FBLN5: variants seen among roughly 807,000 people sequenced by gnomAD.
FBLN5 encodes the protein fibulin 5.
A neutral mutation model predicts 61.6 loss-of-function variants in FBLN5; 24 were observed. The observed-to-expected ratio is 0.39, with a 90% confidence interval of 0.28 to 0.55. FBLN5 has a LOEUF of 0.55. FBLN5 is among the 20% of genes least tolerant of loss of function. The pLI, the probability that FBLN5 is intolerant of heterozygous loss-of-function variation, is 0.65. For synonymous variants in FBLN5, 213 were observed against 219.8 expected, an observed-to-expected ratio of 0.97 and a Z score of 0.27; for missense variants, 470 against 594.1, an observed-to-expected ratio of 0.79 and a Z score of 2.17.
intron 3 of FBLN5, chr14:91,939,751 A>G: frequency 3.1e-6 from 1 of 327,362 alleles, no homozygotes; most frequent in Non-Finnish European, 6.0e-6. Flanking sequence ...CAAACACTCC[A>G]AAATCTCTTC....
intron 3 of FBLN5, chr14:91,940,051 C>A (rs1401471866): frequency 2.3e-6 from 1 of 438,542 alleles, no homozygotes; most frequent in Admixed American, 2.6e-5. Flanking sequence ...AAGCAGGAGG[C>A]TTCTAAAAGG....
intron 4 of FBLN5, among the ~76,000 whole-genome samples, chr14:91,902,785 A>G (rs1378875919): frequency 6.6e-6 from 1 of 152,186 alleles, no homozygotes; most frequent in African/African-American, 2.4e-5. Context: ...AGAGTTTCAG[A>G]AACTATTAGG....
At chr14:91,930,525 G>T (rs1212203504) in intron 4 of FBLN5, among the ~76,000 whole-genome samples, 1 of 152,126 alleles carries the variant, frequency 6.6e-6, no homozygotes, top group Middle Eastern at 3.2e-3. Flanking sequence ...CGGTTTCATG[G>T]TTTCACGCAT....
intron 1 of FBLN5, among the ~76,000 whole-genome samples, chr14:91,945,722 A>T (rs1279412379): frequency 6.6e-6 from 1 of 152,162 alleles, no homozygotes; most frequent in Non-Finnish European, 1.5e-5. Flanking sequence ...CATTTCCTTT[A>T]TCGAGTCCCC....
intron 5 of FBLN5, among the ~76,000 whole-genome samples, chr14:91,892,136 G>A (rs1484873167): frequency 6.6e-6 from 1 of 152,194 alleles, no homozygotes; most frequent in African/African-American, 2.4e-5. Flanking sequence ...CCATCAATGG[G>A]GAGCCTGATG....
chr14:91,913,617 T>C (rs1286381702), intron 4 of FBLN5, among the ~76,000 whole-genome samples: 3 of 152,208 alleles, frequency 2.0e-5, no homozygotes, highest in Non-Finnish European at 4.4e-5. Flanking sequence ...GCTGGAAGGA[T>C]TGGACAATTT....
chr14:91,884,676 G>A (rs367953161), intron 7 of FBLN5, among the ~76,000 whole-genome samples: 46 of 152,344 alleles, frequency 3.0e-4, no homozygotes, highest in African/African-American at 1.1e-3. Context: ...ACACGACACT[G>A]TAACGTCTCC....
chr14:91,928,227 C>T (rs769946052), intron 4 of FBLN5, among the ~76,000 whole-genome samples: 23 of 152,146 alleles, frequency 1.5e-4, no homozygotes, highest in East Asian at 3.8e-4. Flanking sequence ...AAAGGGCTAA[C>T]GCAAAAAATT....
chr14:91,881,442 G>A, intron 8 of FBLN5, 24 bp from the exon 9 acceptor site: 1 of 1,613,978 alleles, frequency 6.2e-7, no homozygotes, highest in Non-Finnish European at 8.5e-7. Context: ...GAGACAAGAA[G>A]CGGAGGCAGG....
In FBLN5 at chr14:91,910,362, C is replaced by T. The variant is rs527765179; in HGVS notation, c.380-15290G>A. Among the ~76,000 whole-genome samples, 14 of 152,186 alleles carry T rather than the reference C, an allele frequency of 9.2e-5. No individual in the cohort carries two copies. The East Asian group carries it at 1.2e-3, about 13-fold the overall frequency. ...ACAGAAAGTAGAATGGTGGTTATCACGGGCTAGAGAGAAGGGGAAAGAGAG... is the reference window on the plus strand; with the variant it reads ...ACAGAAAGTAGAATGGTGGTTATCATGGGCTAGAGAGAAGGGGAAAGAGAG... On this transcript the variant is annotated intron_variant, in intron 4 of 10. Coordinates refer to ENST00000342058, the MANE Select transcript of FBLN5 (RefSeq NM_006329.4).
chr14:91,924,062 A>C (rs1595337652), intron 4 of FBLN5, among the ~76,000 whole-genome samples: 1 of 152,186 alleles, frequency 6.6e-6, no homozygotes, highest in East Asian at 1.9e-4. Flanking sequence ...ATGATATCTG[A>C]TAAATTATGC....
intron 3 of FBLN5, among the ~76,000 whole-genome samples, chr14:91,940,273 T>G (rs2056085225): frequency 1.3e-5 from 2 of 152,288 alleles, no homozygotes; most frequent in South Asian, 2.1e-4. Flanking sequence ...TACACTGGTG[T>G]TGTTTAAGCC....
intron 4 of FBLN5, among the ~76,000 whole-genome samples, chr14:91,908,953 C>T (rs1170690771): frequency 6.6e-6 from 1 of 151,708 alleles, no homozygotes; most frequent in Non-Finnish European, 1.5e-5. Flanking sequence ...GAGTCTCACT[C>T]GTCGCTCAGG....
At chr14:91,941,554 G>A (rs1052200595) in intron 2 of FBLN5, among the ~76,000 whole-genome samples, 9 of 152,068 alleles carry the variant, frequency 5.9e-5, no homozygotes, top group African/African-American at 1.7e-4. Flanking sequence ...CTGCACTCCC[G>A]GGAGAGGGTT....
chr14:91,882,769 G>C lies in FBLN5; in HGVS notation c.862+185C>G, dbSNP rs1889536507. On this transcript the variant is annotated intron_variant, in intron 8 of 10. Coordinates refer to ENST00000342058, the MANE Select transcript of FBLN5 (RefSeq NM_006329.4). The surrounding 1 kb of genome is among the most constrained non-coding windows in gnomAD (Gnocchi z 4.9). Reference sequence around the variant, plus strand: ...CAAAGGACGGGTTACAGGGAAGGAAGACAACAGGCCAGGCATCCTGCCCAG... The same window carrying C: ...CAAAGGACGGGTTACAGGGAAGGAACACAACAGGCCAGGCATCCTGCCCAG... 6.6e-6 allele frequency among the ~76,000 whole-genome samples: 1 copy of C among 152,214 alleles called. No individual in the cohort carries two copies. The highest frequency in any genetic ancestry group is 1.5e-5 in the Non-Finnish European group (1 of 68,028).
chr14:91,912,890 G>A (rs1237157536), intron 4 of FBLN5, among the ~76,000 whole-genome samples: 1 of 151,364 alleles, frequency 6.6e-6, no homozygotes, highest in Admixed American at 6.6e-5. Context: ...TAAAGAGGTT[G>A]TTGATCCAAA....
chr14:91,942,168 A>C (rs1484374708), intron 2 of FBLN5: 2 of 455,900 alleles, frequency 4.4e-6, no homozygotes, highest in African/African-American at 4.0e-5. Context: ...ACAGGGGTCC[A>C]TCTCTCCTGT....
chr14:91,912,582 T>C (rs1465013936), intron 4 of FBLN5, among the ~76,000 whole-genome samples: 6 of 151,912 alleles, frequency 3.9e-5, no homozygotes, highest in Admixed American at 3.9e-4. Flanking sequence ...GAGGCGGAGG[T>C]TGCAGTGAGT....
At chr14:91,886,340 G>A (rs559339475) in intron 7 of FBLN5, among the ~76,000 whole-genome samples, 3 of 152,294 alleles carry the variant, frequency 2.0e-5, no homozygotes, top group Admixed American at 1.3e-4. Context: ...AAGAAAAGGA[G>A]TTGTGTGTGG....
Sources: allele counts gnomAD v4.1 joint callset (sites outside exome capture counted in the v4.1 genomes callset), GRCh38; gene constraint gnomAD v4.1.1; non-coding constraint Gnocchi (gnomAD v3.1); transcripts MANE v1.5; gene names NCBI Gene and HGNC (gene_info 2026-07-23, HGNC 2026-07-21).